Variants in GRM4 observed in about 807,000 individuals in gnomAD.
The protein encoded by GRM4 is glutamate metabotropic receptor 4.
A neutral mutation model predicts 81.7 loss-of-function variants in GRM4; 28 were observed. The observed-to-expected ratio is 0.34, with a 90% CI of 0.25 to 0.47. The LOEUF is 0.47. Ranked by LOEUF, GRM4 falls within the 20% of genes least tolerant of loss-of-function variation. GRM4 has a pLI of 1.00. For missense variants in GRM4, 948 were observed against 1,290.0 expected, an observed-to-expected ratio of 0.73 and a Z score of 4.06; for synonymous variants, 488 against 528.8, an observed-to-expected ratio of 0.92 and a Z score of 1.06.
intron 3 of GRM4, among the ~76,000 whole-genome samples, chr6:34,088,207 C>T (rs1286211959): frequency 6.6e-6 from 1 of 152,160 alleles, no homozygotes; most frequent in Admixed American, 6.5e-5. Flanking sequence ...ACTGCAACCT[C>T]CACCTCCCAG....
chr6:34,022,513 G>T lies in GRM4; in HGVS notation c.*308C>A. 1 of 437,842 alleles carries T rather than the reference G, an allele frequency of 2.3e-6. No individual in the cohort carries two copies. Among genetic ancestry groups the T allele is most frequent in the South Asian group, 3.0e-5 (1 of 33,010 alleles). 27.1% of individuals were successfully genotyped at this position (437,842 alleles called of 1,614,324 possible). A position where few individuals can be genotyped will look rare whatever the true frequency, so the allele number is the denominator to read the frequency against. The stretch of plus-strand genomic sequence containing the variant: ...CAGCACAGACAGAGACGAAGGGAGG[G>T]AGAGATCTAGCACTGGGGCCCACAC... On this transcript the variant is annotated 3_prime_UTR_variant, in exon 11 of 11. Transcript: ENST00000538487. The surrounding 1 kb of genome is among the most constrained non-coding windows in gnomAD (Gnocchi z 5.6).
At chr6:34,088,607 C>T (rs1007221105) in intron 3 of GRM4, among the ~76,000 whole-genome samples, 2 of 152,196 alleles carry the variant, frequency 1.3e-5, no homozygotes, top group Non-Finnish European at 2.9e-5. Flanking sequence ...CTGGAGGAGA[C>T]AGGGTGTATA....
Position 34,056,629 on chromosome 6 carries a change from C to T in GRM4, c.1083G>A (p.Trp361Ter). ...RTLDNNRRNI[W>*]FAEFWEDNFH... is the part of the protein sequence containing the mutation. ...AGTTGTCCTCCCAGAACTCGGCAAA[C>T]CAGATGTTGCGCCGGTTGTTGTCCA... is the stretch of plus-strand genomic sequence containing the variant. Residue 361 changes from tryptophan to a stop codon, truncating the protein, a stop_gained, in exon 6 of 11, where the codon TGG (tryptophan) becomes TGA (stop). Transcript: ENST00000538487. LOFTEE classifies it high-confidence loss of function. 1 of 1,613,844 alleles carries T rather than the reference C, an allele frequency of 6.2e-7. No individual in the cohort carries two copies. Among genetic ancestry groups the T allele is most frequent in the South Asian group, 1.1e-5 (1 of 91,068 alleles).
chr6:34,065,300 G>A (rs192485062), intron 3 of GRM4, among the ~76,000 whole-genome samples: 10 of 152,170 alleles, frequency 6.6e-5, no homozygotes, highest in African/African-American at 1.2e-4. Flanking sequence ...TAACACTCCC[G>A]CAGACGCCTG....
intron 1 of GRM4, among the ~76,000 whole-genome samples, chr6:34,135,038 C>T (rs958661412): frequency 6.6e-6 from 1 of 152,036 alleles, no homozygotes; most frequent in Non-Finnish European, 1.5e-5. Context: ...GCCCCCTTCC[C>T]CAGGGGTTTG....
chr6:34,151,360 C>T (rs372336622), intron 1 of GRM4, among the ~76,000 whole-genome samples: 30 of 152,334 alleles, frequency 2.0e-4, no homozygotes, highest in Admixed American at 6.5e-4. Context: ...TTAAGACTCA[C>T]GATTTTCCAG....
In GRM4 at chr6:34,040,707, C is replaced by T. The variant is rs774720241; in HGVS notation, c.1210G>A (p.Gly404Arg). 1.2e-6 allele frequency: 2 copies of T among 1,614,092 alleles called. No individual in the cohort carries two copies. Among genetic ancestry groups the T allele is most frequent in the South Asian group, 1.1e-5 (1 of 91,086 alleles). Residue 404 changes from glycine (G) to arginine (R), a missense_variant, in exon 7 of 11, where the codon GGG becomes AGG. Physicochemically the swap from Gly to Arg is moderately radical, Grantham distance 125 (BLOSUM62 -2). Transcript: ENST00000538487. ...IGQDSAYEQE[G>R]KVQFVIDAVY... ...GCATCGATCACAAACTGCACCTTCC[C>T]CTCCTGCTCATAAGCTGAATCCTGC... is the stretch of plus-strand genomic sequence containing the variant.
At chr6:34,082,165 C>T (rs1395273414) in intron 3 of GRM4, among the ~76,000 whole-genome samples, 2 of 151,850 alleles carry the variant, frequency 1.3e-5, no homozygotes, top group African/African-American at 4.8e-5. Context: ...GGGGACAGAT[C>T]CCTGTGTGCT....
intron 3 of GRM4, chr6:34,062,845 G>A (rs1994583): frequency 0.023 from 3,483 of 152,038 alleles, 123 homozygotes; most frequent in African/African-American, 0.069. Flanking sequence ...TGTCATTCAC[G>A]TATTTAAATC....
chr6:34,123,732 G>A (rs111646056), intron 2 of GRM4, among the ~76,000 whole-genome samples: 3 of 152,188 alleles, frequency 2.0e-5, no homozygotes, highest in Non-Finnish European at 4.4e-5. Context: ...ACAAGGAAAC[G>A]GGGGCACAGA....
chr6:34,149,678 C>G (rs1429113470), upstream of GRM4, among the ~76,000 whole-genome samples: 1 of 152,210 alleles, frequency 6.6e-6, no homozygotes, highest in Non-Finnish European at 1.5e-5. Context: ...ATGAGTGACA[C>G]CTTTGATGGC....
intron 10 of GRM4, among the ~76,000 whole-genome samples, chr6:34,025,459 G>A (rs1315633393): frequency 6.6e-6 from 1 of 152,180 alleles, no homozygotes; most frequent in Non-Finnish European, 1.5e-5. Flanking sequence ...GCAGCTGAGG[G>A]GCACCAGGGG....
At chr6:34,081,124 C>T (rs1488977893) in intron 3 of GRM4, among the ~76,000 whole-genome samples, 9 of 152,162 alleles carry the variant, frequency 5.9e-5, no homozygotes, top group Non-Finnish European at 1.3e-4. Context: ...TCAGTCTTCC[C>T]ACCTTCGAGC....
At chr6:34,105,223 C>G (rs1581702191) in intron 2 of GRM4, among the ~76,000 whole-genome samples, 1 of 152,188 alleles carries the variant, frequency 6.6e-6, no homozygotes, top group Non-Finnish European at 1.5e-5. Context: ...AGGCCAGGGC[C>G]AGGCTGGCAG....
At chr6:34,098,662 C>T (rs559407517) in intron 2 of GRM4, among the ~76,000 whole-genome samples, 7 of 152,248 alleles carry the variant, frequency 4.6e-5, no homozygotes, top group Non-Finnish European at 1.0e-4. Flanking sequence ...CCTCCACTGC[C>T]GGCTCTCAGC....
At chr6:34,113,769 G>T (rs531449286) in intron 2 of GRM4, among the ~76,000 whole-genome samples, 2 of 152,292 alleles carry the variant, frequency 1.3e-5, no homozygotes, top group South Asian at 2.1e-4. Flanking sequence ...TGCAAATCTG[G>T]TCCTCACATG....
At chr6:34,151,942 G>C (rs1008594659) in intron 1 of GRM4, among the ~76,000 whole-genome samples, 1 of 152,014 alleles carries the variant, frequency 6.6e-6, no homozygotes, top group Admixed American at 6.6e-5. Flanking sequence ...GGGCAGTTTG[G>C]GGGATGAAAG....
At chr6:34,071,553 T>TCAC (rs1766853765) in intron 3 of GRM4, among the ~76,000 whole-genome samples, 2 of 994 alleles carry the variant, frequency 2.0e-3, no homozygotes, top group East Asian at 0.019. Flanking sequence ...CATACACACA[T>TCAC]CACACAGATA....
intron 6 of GRM4, among the ~76,000 whole-genome samples, chr6:34,041,437 C>T (rs1459974157): frequency 6.6e-6 from 1 of 152,210 alleles, no homozygotes; most frequent in Non-Finnish European, 1.5e-5. Context: ...AACCCATCCC[C>T]ATGGGCTTCT....
Sources: gnomAD v4.1 joint callset for allele counts (sites outside exome capture counted in the v4.1 genomes callset) on GRCh38, gnomAD v4.1.1 for gene constraint, Gnocchi (gnomAD v3.1) non-coding constraint, MANE v1.5 for transcripts, NCBI Gene and HGNC (gene_info 2026-07-23, HGNC 2026-07-21) for gene names.